The following EXOC1 variants were observed in gnomAD, a reference collection of about 807,000 sequenced individuals.
EXOC1 encodes SEC3-like 1.
Under a neutral mutation model 107.7 loss-of-function variants are expected in EXOC1, and 67 were observed. That is an observed-to-expected ratio of 0.62 (90% CI 0.51 to 0.76). EXOC1 has a LOEUF of 0.76. EXOC1 is among the 30% of genes least tolerant of loss of function. The probability of loss-of-function intolerance (pLI) is 0.00; values close to 1 mark genes in which losing one functional copy is unlikely to be tolerated. For missense variants in EXOC1, 833 were observed against 1,055.7 expected, an observed-to-expected ratio of 0.79 and a Z score of 2.92; for synonymous variants, 348 against 353.5, an observed-to-expected ratio of 0.98 and a Z score of 0.17.
Position 55,883,710 on chromosome 4 carries a change from C to G in EXOC1, c.1225-113C>G, listed in dbSNP as rs537897209. On this transcript the variant is annotated intron_variant, in intron 9 of 18. Coordinates refer to ENST00000381295, the MANE Select transcript of EXOC1 (RefSeq NM_001024924.2). ...TATTTTTATATCCTGTGAAATACATCAAAGTTTTGGACTATGAAATTTAAA... is the reference window on the plus strand; with the variant it reads ...TATTTTTATATCCTGTGAAATACATGAAAGTTTTGGACTATGAAATTTAAA... 32 of 579,406 alleles carry G rather than the reference C, an allele frequency of 5.5e-5. No individual in the cohort carries two copies. In the African/African-American group the frequency reaches 5.7e-4, roughly 10 times the overall value. 35.9% of individuals were successfully genotyped at this position (579,406 alleles called of 1,614,324 possible).
chr4:55,889,989 G>A (rs1201928327), intron 11 of EXOC1, among the ~76,000 whole-genome samples: 7 of 152,086 alleles, frequency 4.6e-5, no homozygotes, highest in South Asian at 2.1e-4. Flanking sequence ...TTTCAGTCCC[G>A]TTCTATGGAT....
At chr4:55,865,139 A>G (rs1721838714) in intron 4 of EXOC1, among the ~76,000 whole-genome samples, 1 of 152,216 alleles carries the variant, frequency 6.6e-6, no homozygotes, top group Admixed American at 6.5e-5. Context: ...AGTAAATATT[A>G]GCTATTATTA....
At chr4:55,902,954 G>A (rs1214231099) in intron 18 of EXOC1, among the ~76,000 whole-genome samples, 1 of 151,652 alleles carries the variant, frequency 6.6e-6, no homozygotes, top group East Asian at 1.9e-4. Flanking sequence ...ACTGTATTGG[G>A]CAACATAGCA....
At position 55,890,301 on chromosome 4, in the gene EXOC1, G is replaced by T; in HGVS notation, c.1454G>T (p.Arg485Leu). 2 of 1,613,912 alleles carry T rather than the reference G, an allele frequency of 1.2e-6. No homozygotes were observed. The highest frequency in any genetic ancestry group is 1.7e-6 in the Non-Finnish European group (2 of 1,179,890). Residue 485 changes from arginine to leucine, a missense_variant, in exon 12 of 19, where the codon CGC becomes CTC. Arg to Leu is a moderately radical substitution (Grantham distance 102). This residue lies in a region of EXOC1 where 617 missense variants were observed against 701.3 expected (regional missense o/e 0.88). Coordinates refer to ENST00000381295, the MANE Select transcript of EXOC1 (RefSeq NM_001024924.2). ...CTCAGTGTTCAGAGTTCAGGGAATC[G>T]CAGATCTCAGTCATCTTCCCTGTTG... ...NKLSVQSSGN[R>L]RSQSSSLLDM... is the part of the protein sequence containing the mutation.
At chr4:55,857,401 C>T (rs1017832629) in intron 1 of EXOC1, among the ~76,000 whole-genome samples, 1 of 151,778 alleles carries the variant, frequency 6.6e-6, no homozygotes, top group Non-Finnish European at 1.5e-5. Flanking sequence ...ATCTCCTGAC[C>T]TCTTGATCCG....
At chr4:55,901,873 T>G (rs1725972265) in intron 17 of EXOC1, among the ~76,000 whole-genome samples, 1 of 152,128 alleles carries the variant, frequency 6.6e-6, no homozygotes, top group Admixed American at 6.5e-5. Flanking sequence ...CCTGGAAATT[T>G]AATCAGTAAG....
intron 9 of EXOC1, among the ~76,000 whole-genome samples, chr4:55,878,834 T>C (rs577963397): frequency 4.3e-4 from 65 of 152,242 alleles, no homozygotes; most frequent in Admixed American, 1.0e-3. Context: ...TGAGAAATTA[T>C]GTTGAAAAAG....
chr4:55,857,334 C>T (rs1721088375), intron 1 of EXOC1, among the ~76,000 whole-genome samples: 1 of 151,666 alleles, frequency 6.6e-6, no homozygotes, highest in Non-Finnish European at 1.5e-5. Flanking sequence ...CACCCACCAC[C>T]ATGCCCGGCT....
chr4:55,885,114 CT>C (rs893963209), intron 10 of EXOC1, among the ~76,000 whole-genome samples: 24 of 147,138 alleles, frequency 1.6e-4, no homozygotes, highest in Admixed American at 2.0e-4. Flanking sequence ...ATATGTTATG[CT>C]TTTTTTTTTG....
At chr4:55,870,070 C>A (rs893665843) in intron 5 of EXOC1, among the ~76,000 whole-genome samples, 1 of 151,616 alleles carries the variant, frequency 6.6e-6, no homozygotes, top group African/African-American at 2.4e-5. Context: ...AAAAAAAAAA[C>A]AGTTGAAAGA....
At chr4:55,892,774 G>T in intron 14 of EXOC1, 63 bp downstream of exon 14, 1 of 1,471,886 alleles carries the variant, frequency 6.8e-7, no homozygotes, top group Non-Finnish European at 9.5e-7. Flanking sequence ...GTGGAGTGCT[G>T]CTCATTGAGG....
chr4:55,891,220 C>A, intron 12 of EXOC1, 95 bp from the exon 13 acceptor site: 1 of 740,136 alleles, frequency 1.4e-6, no homozygotes, highest in Non-Finnish European at 2.4e-6. Context: ...GATTATGGAT[C>A]CATGGTCTGT....
At chr4:55,884,356 T>C (rs888711760) in intron 10 of EXOC1, among the ~76,000 whole-genome samples, 6 of 152,184 alleles carry the variant, frequency 3.9e-5, no homozygotes, top group Admixed American at 6.6e-5. Flanking sequence ...GAAATGAAAC[T>C]GGTTCCTGGC....
chr4:55,880,162 G>A (rs1050052221), intron 9 of EXOC1, among the ~76,000 whole-genome samples: 2 of 152,010 alleles, frequency 1.3e-5, no homozygotes, highest in Non-Finnish European at 2.9e-5. Context: ...TTATGTATCA[G>A]TTTTCATGTA....
At chr4:55,854,391 A>C (rs1292977744) in intron 1 of EXOC1, among the ~76,000 whole-genome samples, 1 of 152,176 alleles carries the variant, frequency 6.6e-6, no homozygotes, top group African/African-American at 2.4e-5. Flanking sequence ...CAGAGTAAGC[A>C]GTGGATGGCT....
chr4:55,875,661 G>GA, intron 8 of EXOC1: 1 of 985,182 alleles, frequency 1.0e-6, no homozygotes, highest in Non-Finnish European at 1.2e-6. Context: ...TAATGAGGAA[G>GA]ATTGTTTTGG....
At chr4:55,902,263 A>G (rs1726038087) in intron 17 of EXOC1, 81 bp from the exon 18 acceptor site, 2 of 1,123,982 alleles carry the variant, frequency 1.8e-6, no homozygotes, top group African/African-American at 1.6e-5. Context: ...GTGATTATAC[A>G]CTACTTTGTA....
chr4:55,865,641 G>A (rs568303174), intron 4 of EXOC1, among the ~76,000 whole-genome samples: 2 of 152,046 alleles, frequency 1.3e-5, no homozygotes, highest in Non-Finnish European at 2.9e-5. Flanking sequence ...TCACAAGCTT[G>A]CTGTTCTGTC....
rs763787664 is a variant in EXOC1, at chr4:55,871,143, G to A, written c.874G>A (p.Glu292Lys). The A allele has an allele frequency of 6.2e-7, 1 of 1,613,912 alleles. No homozygotes were observed. Reference protein sequence around the residue: ...LAKGHIKALQEGDLASSRGIE... With the variant: ...LAKGHIKALQKGDLASSRGIE... The stretch of plus-strand genomic sequence containing the variant: ...CAAAGGTCATATAAAGGCCCTTCAG[G>A]AAGGAGATCTTGCTTCTTCCAGAGG... The change falls in exon 7 of 19, where the codon GAA becomes AAA. Residue 292 changes from glutamate (E) to lysine (K), a missense_variant. Around this residue, in one of 2 missense-constraint regions of EXOC1, gnomAD observed 617 missense variants for 701.3 expected, o/e 0.88. Transcript: ENST00000381295.
Sources: gnomAD v4.1 joint callset for allele counts (sites outside exome capture counted in the v4.1 genomes callset) on GRCh38, gnomAD v4.1.1 for gene constraint, gnomAD v4.1.1 regional missense constraint, MANE v1.5 for transcripts, NCBI Gene and HGNC (gene_info 2026-07-23, HGNC 2026-07-21) for gene names.